Variants in SASS6 observed in about 807,000 individuals in gnomAD.
The protein encoded by SASS6 is spindle assembly abnormal protein 6 homolog.
SASS6 carries 59 observed loss-of-function variants against 94.9 expected under a neutral mutation model. The ratio of observed to expected loss-of-function variants is 0.62; its 90% CI spans 0.50 to 0.77. The LOEUF (loss-of-function observed/expected upper bound fraction) is 0.77, where lower values mean the gene tolerates loss of function less well. Ranked by LOEUF, SASS6 falls within the 30% of genes least tolerant of loss-of-function variation. The pLI is 0.00. For synonymous variants in SASS6, 264 were observed against 270.0 expected (o/e 0.98, Z 0.22); for missense variants, 698 against 734.1 (o/e 0.95, Z 0.57).
At chr1:100,106,696 A>T (rs539617994) in intron 12 of SASS6, among the ~76,000 whole-genome samples, 1 of 152,068 alleles carries the variant, frequency 6.6e-6, no homozygotes, top group African/African-American at 2.4e-5. Context: ...TACAAAAAAA[A>T]CCCACAAAAT....
At chr1:100,093,931 AAAGT>A (rs534764375) in intron 14 of SASS6, among the ~76,000 whole-genome samples, 107 of 152,326 alleles carry the variant, frequency 7.0e-4, no homozygotes, top group African/African-American at 2.0e-3. Flanking sequence ...CTACCTTAAG[AAAGT>A]AAGAAAAGGA....
At position 100,102,958 on chromosome 1, in the gene SASS6, T is replaced by C. The variant is rs1458565725; in HGVS notation, c.1671A>G (p.Thr557=). The part of the protein sequence containing the change: ...AKNTSHPGSG[T]KVQFNLQFTK... ...AAGTATTAGTTAATTTGGCTACCTT[T>C]GTTCCTGAACCAGGGTGGCTGGTAT... Residue 557 remains threonine (T), a synonymous_variant, in exon 14 of 17, where the codon ACA becomes ACG. Coordinates refer to ENST00000287482, the MANE Select transcript of SASS6 (RefSeq NM_194292.3). 2 of 1,609,332 alleles carry C rather than the reference T, an allele frequency of 1.2e-6. No individual in the cohort carries two copies. The highest frequency in any genetic ancestry group is 1.3e-5 in the African/African-American group (1 of 74,776).
intron 14 of SASS6, among the ~76,000 whole-genome samples, chr1:100,093,166 ATTGTT>A (rs1643127419): frequency 7.5e-6 from 1 of 132,722 alleles, no homozygotes. Context: ...CAGAATACCT[ATTGTT>A]TTCTTTTTTT....
rs1181236285 is a variant in SASS6, at chr1:100,132,792, T to C, written c.23A>G (p.Gln8Arg). MSQVLFHQLVPLQVKCKD... is the reference protein window; with the variant it reads MSQVLFHRLVPLQVKCKD... Reference sequence around the variant, plus strand: ...GCATTTCACCTGCAACGGGACTAGTTGGTGGAACAGCACTTGGCTCATGTT... The same window carrying C: ...GCATTTCACCTGCAACGGGACTAGTCGGTGGAACAGCACTTGGCTCATGTT... The change falls in exon 1 of 17, where the codon CAA becomes CGA. Residue 8 changes from glutamine to arginine, a missense_variant. Physicochemically the swap from Gln to Arg is conservative, Grantham distance 43 (BLOSUM62 1). Transcript: ENST00000287482. The C allele has an allele frequency of 3.1e-6, 5 of 1,614,012 alleles. No homozygotes were observed. Among genetic ancestry groups the C allele is most frequent in the Non-Finnish European group, 4.2e-6 (5 of 1,179,984 alleles).
intron 12 of SASS6, among the ~76,000 whole-genome samples, chr1:100,106,380 G>A (rs1652908479): frequency 1.3e-5 from 2 of 152,096 alleles, no homozygotes; most frequent in South Asian, 4.2e-4. Context: ...TTTAATTGTG[G>A]GTTACTGACC....
At chr1:100,131,800 T>C (rs527673490) in intron 1 of SASS6, among the ~76,000 whole-genome samples, 3 of 152,358 alleles carry the variant, frequency 2.0e-5, no homozygotes, top group South Asian at 2.1e-4. Flanking sequence ...GTTACATTTG[T>C]ACACCACTTA....
chr1:100,085,545 T>C lies in SASS6; in HGVS notation c.1858A>G (p.Ser620Gly). ...AGAAATCCCTGCTTACCTGAATTAC[T>C]AAATAGGTTCTGGCTGAGTCCGCGT... ...PLRGLSQNLF[S>G]NSDHQRDGTL... The change falls in exon 16 of 17, where the codon AGT becomes GGT. Residue 620 changes from serine (S) to glycine (G), a missense_variant. Ser to Gly is a moderately conservative substitution (Grantham distance 56). Coordinates refer to ENST00000287482, the MANE Select transcript of SASS6 (RefSeq NM_194292.3). 6.2e-7 allele frequency: 1 copy of C among 1,610,588 alleles called. No individual in the cohort carries two copies. The highest frequency in any genetic ancestry group is 8.5e-7 in the Non-Finnish European group (1 of 1,177,042).
intron 14 of SASS6, among the ~76,000 whole-genome samples, chr1:100,099,974 A>C (rs890700399): frequency 6.6e-6 from 1 of 152,164 alleles, no homozygotes; most frequent in Non-Finnish European, 1.5e-5. Flanking sequence ...GAAGATCAAG[A>C]ATGTAACCCA....
At position 100,085,268 on chromosome 1, in the gene SASS6, A is replaced by G. The variant is rs923897617; in HGVS notation, c.*60T>C. 11 of 1,044,458 alleles carry G rather than the reference A, an allele frequency of 1.1e-5. No homozygotes were observed. The highest frequency in any genetic ancestry group is 1.7e-5 in the Non-Finnish European group (11 of 662,848). The allele number at this position is 1,044,458 out of a possible 1,614,324, so 64.7% of individuals were successfully genotyped here. A position where few individuals can be genotyped will look rare whatever the true frequency, so the allele number is the denominator to read the frequency against. ...ATTTGAGGATCTGGTTTGTGTTGAC[A>G]TATTTTTTAAGCACCTGAGTTTCTA... On this transcript the variant is annotated 3_prime_UTR_variant, in exon 17 of 17. Transcript: ENST00000287482.
At position 100,106,920 on chromosome 1, in the gene SASS6, T is replaced by C. The variant is rs1652953000; in HGVS notation, c.1400A>G (p.Asn467Ser). Residue 467 changes from asparagine to serine, a missense_variant, in exon 12 of 17, where the codon AAT becomes AGT. Asn to Ser is a conservative substitution (Grantham distance 46). Coordinates refer to ENST00000287482, the MANE Select transcript of SASS6 (RefSeq NM_194292.3). The part of the protein sequence containing the change: ...LEESKQLLKN[N>S]EKLITWLNKE... Reference sequence around the variant, plus strand: ...ACACGTAACATACTTACACTTTTCATTATTTTTTAGAAGTTGTTTGCTTTC... The same window carrying C: ...ACACGTAACATACTTACACTTTTCACTATTTTTTAGAAGTTGTTTGCTTTC... 4 of 1,296,058 alleles carry C rather than the reference T, an allele frequency of 3.1e-6. No homozygotes were observed. In the South Asian group the frequency reaches 3.7e-5, roughly 12 times the overall value. The allele number at this position is 1,296,058 out of a possible 1,614,324, so 80.3% of individuals were successfully genotyped here. A position where few individuals can be genotyped will look rare whatever the true frequency, so the allele number is the denominator to read the frequency against.
rs193090019 is a variant in SASS6 at position 100,093,870 on chromosome 1, A to G, written c.1675-5634T>C. Reference sequence around the variant, plus strand: ...TAAAGCAAGACTGAACAACATGTATAGCATTAAATGTTTAGATTAACATAG... The same window carrying G: ...TAAAGCAAGACTGAACAACATGTATGGCATTAAATGTTTAGATTAACATAG... On this transcript the variant is annotated intron_variant, in intron 14 of 16. Transcript: ENST00000287482. 1.2e-3 allele frequency among the ~76,000 whole-genome samples: 176 copies of G among 152,374 alleles called. 1 individual carries two copies. Among genetic ancestry groups the G allele is most frequent in the African/African-American group, 4.1e-3 (172 of 41,598 alleles).
In SASS6 at chr1:100,088,226, T is replaced by C. The variant is rs778639092; in HGVS notation, c.1685A>G (p.Asn562Ser). Residue 562 changes from asparagine to serine, a missense_variant, in exon 15 of 17, where the codon AAT becomes AGT. By Grantham distance (46) the Asn-to-Ser change is conservative. Coordinates refer to ENST00000287482, the MANE Select transcript of SASS6 (RefSeq NM_194292.3). The stretch of plus-strand genomic sequence containing the variant: ...TGCATTTGGTTTTGTAAACTGCAAA[T>C]TAAACTGAACCTGTGAGAAGGAAAA... ...HPGSGTKVQF[N>S]LQFTKPNASL... 2 of 1,574,494 alleles carry C rather than the reference T, an allele frequency of 1.3e-6. No homozygotes were observed. Among genetic ancestry groups the C allele is most frequent in the South Asian group, 1.1e-5 (1 of 90,228 alleles).
chr1:100,102,806 T>C (rs1199786099), intron 14 of SASS6, 149 bp downstream of exon 14: 2 of 588,908 alleles, frequency 3.4e-6, no homozygotes, highest in Non-Finnish European at 6.1e-6. Flanking sequence ...ACATAGATAC[T>C]AGATATTCAG....
intron 7 of SASS6, among the ~76,000 whole-genome samples, chr1:100,114,198 C>T (rs908441252): frequency 3.3e-5 from 5 of 152,024 alleles, no homozygotes; most frequent in Admixed American, 2.0e-4. Flanking sequence ...TTGTATCAGG[C>T]CCTCAAGGTA....
chr1:100,092,606 C>T (rs1366940555), intron 14 of SASS6, among the ~76,000 whole-genome samples: 2 of 151,958 alleles, frequency 1.3e-5, no homozygotes, highest in African/African-American at 2.4e-5. Context: ...GATGGAGTCT[C>T]GCTCTGTCAC....
chr1:100,118,516 C>T (rs1653948222), intron 7 of SASS6, among the ~76,000 whole-genome samples: 1 of 152,046 alleles, frequency 6.6e-6, no homozygotes, highest in African/African-American at 2.4e-5. Context: ...TGCAGTATTG[C>T]TTAAAATAAC....
chr1:100,129,343 T>C (rs1046717299), intron 1 of SASS6, among the ~76,000 whole-genome samples: 1 of 152,180 alleles, frequency 6.6e-6, no homozygotes, highest in African/African-American at 2.4e-5. Context: ...AATGACTTTT[T>C]GCTAGATTTG....
At chr1:100,114,980 A>G (rs1208343868) in intron 7 of SASS6, among the ~76,000 whole-genome samples, 1 of 152,064 alleles carries the variant, frequency 6.6e-6, no homozygotes, top group Non-Finnish European at 1.5e-5. Context: ...AGAGAAGAAA[A>G]CCCTTTCTCT....
Position 100,123,227 on chromosome 1 carries a change from A to G in SASS6, c.189T>C (p.Ser63=), listed in dbSNP as rs375769139. Residue 63 remains serine (S), a synonymous_variant, in exon 3 of 17, where the codon TCT becomes TCC. Coordinates refer to ENST00000287482, the MANE Select transcript of SASS6 (RefSeq NM_194292.3). The part of the protein sequence containing the change: ...DPFFLYNLVI[S]EEDFQSLKFQ... ...TTAGTTACCTTTGAAAATCTTCCTCAGATATAACAAGGTTATATAAAAAAA... is the reference window on the plus strand; with the variant it reads ...TTAGTTACCTTTGAAAATCTTCCTCGGATATAACAAGGTTATATAAAAAAA... The G allele has an allele frequency of 1.2e-4, 178 of 1,463,682 alleles. 1 individual carries two copies. Among genetic ancestry groups the G allele is most frequent in the Non-Finnish European group, 1.6e-4 (167 of 1,058,958 alleles). 90.7% of individuals were successfully genotyped at this position (1,463,682 alleles called of 1,614,324 possible).
Sources: gnomAD v4.1 joint callset for allele counts (sites outside exome capture counted in the v4.1 genomes callset) on GRCh38, gnomAD v4.1.1 for gene constraint, MANE v1.5 for transcripts, NCBI Gene and HGNC (gene_info 2026-07-23, HGNC 2026-07-21) for gene names.